HECW1: variants seen among roughly 807,000 people sequenced by gnomAD.
HECW1 encodes the protein HECT, C2 and WW domain containing E3 ubiquitin protein ligase 1.
In HECW1, 61 loss-of-function variants were observed where a neutral mutation model predicts 182.3. The observed-to-expected ratio is 0.33, with a 90% CI of 0.27 to 0.41. HECW1 has a LOEUF of 0.41. Among genes scored for constraint, HECW1 ranks in the 10% least tolerant of loss-of-function variants. HECW1 has a pLI of 1.00. For synonymous variants in HECW1, 859 were observed against 832.6 expected, an observed-to-expected ratio of 1.03 and a Z score of -0.55; for missense variants, 1,739 against 2,108.9, an observed-to-expected ratio of 0.82 and a Z score of 3.44.
At chr7:43,197,441 CA>C (rs1462739864) in intron 2 of HECW1, among the ~76,000 whole-genome samples, 3 of 152,224 alleles carry the variant, frequency 2.0e-5, no homozygotes, top group African/African-American at 7.2e-5. Flanking sequence ...TAGCCCCCTG[CA>C]AAGCGATGCG....
chr7:43,277,427 C>T (rs528263878), intron 3 of HECW1, among the ~76,000 whole-genome samples: 1 of 152,204 alleles, frequency 6.6e-6, no homozygotes, highest in Non-Finnish European at 1.5e-5. Context: ...CATGGTTTTT[C>T]GTTTCTGTCT....
rs1039387268 is a variant in HECW1, at chr7:43,243,639, T to A, written c.-31-236T>A. On this transcript the variant is annotated intron_variant, in intron 2 of 29. Transcript: ENST00000395891. The surrounding 1 kb of genome is among the most constrained non-coding windows in gnomAD (Gnocchi z 4.0). ...AGGCTCATGAGTCTCATTCCTTAAA[T>A]TAAAATTTAAAATCAAATCAAATTA... Among the ~76,000 whole-genome samples the A allele has an allele frequency of 6.6e-6, 1 of 152,298 alleles. No individual in the cohort carries two copies. Among genetic ancestry groups the A allele is most frequent in the African/African-American group, 2.4e-5 (1 of 41,566 alleles).
chr7:43,541,810 A>C lies in HECW1; in HGVS notation c.4119-59A>C, dbSNP rs184218214. ...CCAGGAATGATATAACCACATTTTG[A>C]AGTGAGGTCTGGGCAGCCATTTGTT... On this transcript the variant is annotated intron_variant, in intron 25 of 29. Coordinates refer to ENST00000395891, the MANE Select transcript of HECW1 (RefSeq NM_015052.5). 299 of 1,349,154 alleles carry C rather than the reference A, an allele frequency of 2.2e-4. No individual in the cohort carries two copies. The African/African-American group carries it at 4.2e-3, about 19-fold the overall frequency. The allele number at this position is 1,349,154 out of a possible 1,614,324, so 83.6% of individuals were successfully genotyped here.
intron 2 of HECW1, among the ~76,000 whole-genome samples, chr7:43,202,017 A>T (rs1795055206): frequency 6.6e-6 from 1 of 152,212 alleles, no homozygotes; most frequent in African/African-American, 2.4e-5. Flanking sequence ...TTCCTTGATG[A>T]TAATAAAAAT....
chr7:43,545,475 A>G (rs151203749), intron 26 of HECW1, among the ~76,000 whole-genome samples: 28 of 152,174 alleles, frequency 1.8e-4, no homozygotes, highest in African/African-American at 6.5e-4. Flanking sequence ...TGTACAGTTG[A>G]CCCTTCAAAA....
intron 8 of HECW1, among the ~76,000 whole-genome samples, chr7:43,425,148 A>G (rs1180393089): frequency 6.6e-6 from 1 of 152,130 alleles, no homozygotes; most frequent in Non-Finnish European, 1.5e-5. Context: ...ATGGAGTTGC[A>G]ACAAGCTTTC....
At chr7:43,220,140 A>G (rs1192692778) in intron 2 of HECW1, among the ~76,000 whole-genome samples, 1 of 152,222 alleles carries the variant, frequency 6.6e-6, no homozygotes, top group African/African-American at 2.4e-5. Context: ...AGGTTTTCTA[A>G]TTTACTAGAA....
intron 3 of HECW1, among the ~76,000 whole-genome samples, chr7:43,252,775 T>C (rs1800170489): frequency 6.6e-6 from 1 of 152,242 alleles, no homozygotes; most frequent in Admixed American, 6.5e-5. Flanking sequence ...AGTCATTTAT[T>C]ATAAAACACC....
chr7:43,356,777 A>G (rs1044511631), intron 5 of HECW1, among the ~76,000 whole-genome samples: 2 of 152,218 alleles, frequency 1.3e-5, no homozygotes, highest in Non-Finnish European at 2.9e-5. Flanking sequence ...ATTAAACTAC[A>G]TGCTCCTGAA....
chr7:43,381,686 G>A (rs2074557956), intron 6 of HECW1, among the ~76,000 whole-genome samples: 1 of 152,050 alleles, frequency 6.6e-6, no homozygotes, highest in East Asian at 1.9e-4. Context: ...ACCACACCCA[G>A]CTAATTTTTG....
At chr7:43,189,907 G>C (rs915732021) in intron 2 of HECW1, among the ~76,000 whole-genome samples, 3 of 152,148 alleles carry the variant, frequency 2.0e-5, no homozygotes, top group African/African-American at 7.2e-5. Flanking sequence ...AACATATTTT[G>C]AATCTCGGGG....
intron 4 of HECW1, among the ~76,000 whole-genome samples, chr7:43,319,101 C>T (rs1186443032): frequency 6.6e-6 from 1 of 152,186 alleles, no homozygotes; most frequent in Non-Finnish European, 1.5e-5. Flanking sequence ...TTAAAGAGAA[C>T]ATCGGGCCGG....
chr7:43,293,224 A>C (rs1805630563), intron 3 of HECW1, among the ~76,000 whole-genome samples: 1 of 150,964 alleles, frequency 6.6e-6, no homozygotes, highest in Non-Finnish European at 1.5e-5. Context: ...TGTCTCAAAA[A>C]AAAAAAAAAA....
chr7:43,243,100 C>T lies in HECW1; in HGVS notation c.-31-775C>T, dbSNP rs1040534483. Among the ~76,000 whole-genome samples, 2 of 152,062 alleles carry T rather than the reference C, an allele frequency of 1.3e-5. No individual in the cohort carries two copies. The highest frequency in any genetic ancestry group is 4.8e-5 in the African/African-American group (2 of 41,398). On this transcript the variant is annotated intron_variant, in intron 2 of 29. Transcript: ENST00000395891. This position sits in a 1 kb window ranked among gnomAD's most constrained non-coding sequence, Gnocchi z 4.0. ...AGACTGCTTTTTTCTGGAATCAGGC[C>T]ACATTGATTATTTTCATGGTGACTG...
chr7:43,277,115 A>G (rs1803257915), intron 3 of HECW1, among the ~76,000 whole-genome samples: 1 of 152,130 alleles, frequency 6.6e-6, no homozygotes, highest in Non-Finnish European at 1.5e-5. Context: ...AGATTTTATA[A>G]TATATGTGAA....
intron 2 of HECW1, among the ~76,000 whole-genome samples, chr7:43,153,793 T>A (rs935158561): frequency 6.6e-6 from 1 of 152,174 alleles, no homozygotes; most frequent in Non-Finnish European, 1.5e-5. Flanking sequence ...ACCCCACTTG[T>A]GGAGTTGTGA....
intron 5 of HECW1, among the ~76,000 whole-genome samples, chr7:43,335,033 T>C (rs1811945564): frequency 1.3e-5 from 2 of 152,224 alleles, no homozygotes; most frequent in South Asian, 2.1e-4. Flanking sequence ...AAAACCTGCC[T>C]AACCCTTCAA....
chr7:43,366,624 T>C (rs542153743), intron 6 of HECW1, among the ~76,000 whole-genome samples: 2 of 152,298 alleles, frequency 1.3e-5, no homozygotes, highest in South Asian at 4.1e-4. Context: ...TTATAATAAA[T>C]GGTCTTGAGC....
intron 21 of HECW1, among the ~76,000 whole-genome samples, chr7:43,506,929 G>C (rs1189341392): frequency 2.0e-5 from 3 of 152,108 alleles, no homozygotes; most frequent in African/African-American, 4.8e-5. Context: ...AATCAGCCAG[G>C]TATGGTGGCA....
Sources: gnomAD v4.1 joint callset for allele counts (sites outside exome capture counted in the v4.1 genomes callset) on GRCh38, gnomAD v4.1.1 for gene constraint, Gnocchi (gnomAD v3.1) non-coding constraint, MANE v1.5 for transcripts, NCBI Gene and HGNC (gene_info 2026-07-23, HGNC 2026-07-21) for gene names.